PTPRG: variants seen among roughly 807,000 people sequenced by gnomAD.
The protein encoded by PTPRG is protein tyrosine phosphatase receptor type G.
PTPRG carries 102 observed loss-of-function variants against 165.3 expected under a neutral mutation model. The ratio of observed to expected loss-of-function variants is 0.62; its 90% CI spans 0.53 to 0.73. PTPRG has a LOEUF of 0.73. Ranked by LOEUF, PTPRG falls within the 30% of genes least tolerant of loss-of-function variation. The pLI, the probability that PTPRG is intolerant of heterozygous loss-of-function variation, is 0.00. For synonymous variants in PTPRG, 675 were observed against 669.5 expected (o/e 1.01, Z -0.13); for missense variants, 1,866 against 1,861.4 (o/e 1.00, Z -0.05).
At chr3:61,645,760 C>T (rs149303975) in intron 1 of PTPRG, among the ~76,000 whole-genome samples, 1 of 152,160 alleles carries the variant, frequency 6.6e-6, no homozygotes, top group Non-Finnish European at 1.5e-5. Flanking sequence ...AATATGTGAG[C>T]AAATGAGCAT....
chr3:61,809,928 C>T (rs962365281), intron 2 of PTPRG, among the ~76,000 whole-genome samples: 1 of 152,174 alleles, frequency 6.6e-6, no homozygotes, highest in Non-Finnish European at 1.5e-5. Flanking sequence ...GGAGGCAGAG[C>T]TTTCCCAGAA....
rs369242622 is a variant in PTPRG at position 61,995,741 on chromosome 3, T to C, written c.370+5937T>C. Among the ~76,000 whole-genome samples, 658 of 108,644 alleles carry C rather than the reference T, an allele frequency of 6.1e-3. 6 individuals are homozygous for C. Among genetic ancestry groups the C allele is most frequent in the African/African-American group, 9.2e-3 (258 of 27,996 alleles). The allele number at this position is 108,644 out of a possible 152,430, so 71.3% of individuals were successfully genotyped here. A position where few individuals can be genotyped will look rare whatever the true frequency, so the allele number is the denominator to read the frequency against. On this transcript the variant is annotated intron_variant, in intron 3 of 29. Transcript: ENST00000474889. ...CTTCCTTCCTTCCTTCCTTCCTTCC[T>C]TCCTTCCCTCCCTCTCTCCCTCCCT... is the stretch of plus-strand genomic sequence containing the variant.
At chr3:62,101,585 A>T (rs1279895152) in intron 5 of PTPRG, among the ~76,000 whole-genome samples, 1 of 152,248 alleles carries the variant, frequency 6.6e-6, no homozygotes, top group Non-Finnish European at 1.5e-5. Flanking sequence ...GCAGACTCTC[A>T]GCCTTCCAGG....
intron 1 of PTPRG, among the ~76,000 whole-genome samples, chr3:61,726,066 G>A (rs2032244232): frequency 6.6e-6 from 1 of 152,178 alleles, no homozygotes; most frequent in East Asian, 1.9e-4. Flanking sequence ...GGGATGAGTG[G>A]TAGAGAACAG....
In PTPRG at chr3:62,297,229, T is replaced by C. The variant is rs1402719741; in HGVS notation, c.*3922T>C. ...TAGTTTCAACTCCGTCATAGTTTTT[T>C]TTCCTTTTTGTGGTGGATATGTGAA... On this transcript the variant is annotated 3_prime_UTR_variant, in exon 30 of 30. Coordinates refer to ENST00000474889, the MANE Select transcript of PTPRG (RefSeq NM_002841.4). The C allele has an allele frequency of 6.6e-6, 1 of 152,112 alleles. No homozygotes were observed. Among genetic ancestry groups the C allele is most frequent in the African/African-American group, 2.4e-5 (1 of 41,446 alleles). The allele number at this position is 152,112 out of a possible 1,614,324, so 9.4% of individuals were successfully genotyped here.
chr3:61,756,477 G>A (rs2033638282), intron 2 of PTPRG, among the ~76,000 whole-genome samples: 1 of 152,190 alleles, frequency 6.6e-6, no homozygotes, highest in East Asian at 1.9e-4. Flanking sequence ...AAGGTACCTG[G>A]AGAATTTTTC....
At chr3:61,580,914 G>A (rs1237152819) in intron 1 of PTPRG, among the ~76,000 whole-genome samples, 1 of 152,192 alleles carries the variant, frequency 6.6e-6, no homozygotes, top group Non-Finnish European at 1.5e-5. Flanking sequence ...GGTTTCTGGA[G>A]GTTTTGGAGT....
rs1208721434 is a variant in PTPRG, at chr3:61,995,706, T to G, written c.370+5902T>G. Among the ~76,000 whole-genome samples, 161 of 134,050 alleles carry G rather than the reference T, an allele frequency of 1.2e-3. 4 individuals carry two copies. Among genetic ancestry groups the G allele is most frequent in the Middle Eastern group, 3.6e-3 (1 of 278 alleles). 87.9% of individuals were successfully genotyped at this position (134,050 alleles called of 152,430 possible). A position where few individuals can be genotyped will look rare whatever the true frequency, so the allele number is the denominator to read the frequency against. ...CGCCTTCCTTCCTTCCTTCCTTCCT[T>G]CCTTCCTTCCTTCCTTCCTTCCTTC... is the stretch of plus-strand genomic sequence containing the variant. On this transcript the variant is annotated intron_variant, in intron 3 of 29. Transcript: ENST00000474889.
intron 28 of PTPRG, among the ~76,000 whole-genome samples, chr3:62,284,142 A>G (rs1055697754): frequency 6.6e-6 from 1 of 152,040 alleles, no homozygotes; most frequent in Non-Finnish European, 1.5e-5. Context: ...CAGTTATATG[A>G]CTGATTTTGC....
intron 1 of PTPRG, among the ~76,000 whole-genome samples, chr3:61,667,644 G>T (rs1048214726): frequency 6.6e-6 from 1 of 152,022 alleles, no homozygotes; most frequent in Non-Finnish European, 1.5e-5. Flanking sequence ...CAGAATTACC[G>T]GCTAATAAAT....
intron 1 of PTPRG, among the ~76,000 whole-genome samples, chr3:61,728,836 A>C (rs2032367914): frequency 6.7e-6 from 1 of 149,578 alleles, no homozygotes; most frequent in Non-Finnish European, 1.5e-5. Context: ...CACGAGTTCG[A>C]GCCCAGTCTG....
Position 62,190,140 on chromosome 3 carries a change from C to T in PTPRG, c.1034-1329C>T, listed in dbSNP as rs890271492. On this transcript the variant is annotated intron_variant, in intron 8 of 29. Coordinates refer to ENST00000474889, the MANE Select transcript of PTPRG (RefSeq NM_002841.4). This position sits in a 1 kb window ranked among gnomAD's most constrained non-coding sequence, Gnocchi z 5.2. ...GCCTCCATCTCTTAGAGTGGAGGTT[C>T]TCAGCCGAAGGTGATTGGCCCCTGC... is the stretch of plus-strand genomic sequence containing the variant. Among the ~76,000 whole-genome samples, 16 of 152,146 alleles carry T rather than the reference C, an allele frequency of 1.1e-4. No individual in the cohort carries two copies. The highest frequency in any genetic ancestry group is 3.9e-4 in the African/African-American group (16 of 41,430).
chr3:61,897,312 A>C lies in PTPRG; in HGVS notation c.191-92313A>C, dbSNP rs144716809. On this transcript the variant is annotated intron_variant, in intron 2 of 29. Transcript: ENST00000474889. ...GCTGATCTTCTCTTTTTTTTTGCCT[A>C]AGGTTTTCCAGTTACTTTGGCACCA... Among the ~76,000 whole-genome samples, 1,151 of 145,908 alleles carry C rather than the reference A, an allele frequency of 7.9e-3. 11 individuals are homozygous for C. The highest frequency in any genetic ancestry group is 0.029 in the African/African-American group (1,056 of 36,180).
intron 14 of PTPRG, among the ~76,000 whole-genome samples, chr3:62,241,942 A>G (rs974303844): frequency 1.3e-5 from 2 of 152,214 alleles, no homozygotes; most frequent in Non-Finnish European, 2.9e-5. Flanking sequence ...ATGATACTGG[A>G]TGGTTAAGGC....
intron 5 of PTPRG, among the ~76,000 whole-genome samples, chr3:62,131,486 G>A (rs1463930588): frequency 6.6e-6 from 1 of 152,132 alleles, no homozygotes; most frequent in Non-Finnish European, 1.5e-5. Context: ...ATTAATTCTA[G>A]GGGTGGCTCT....
In PTPRG at chr3:62,240,415, C is replaced by G. The variant is rs975691565; in HGVS notation, c.2376-3392C>G. On this transcript the variant is annotated intron_variant, in intron 14 of 29. Coordinates refer to ENST00000474889, the MANE Select transcript of PTPRG (RefSeq NM_002841.4). This position sits in a 1 kb window ranked among gnomAD's most constrained non-coding sequence, Gnocchi z 5.1. ...CCCATCTGTCTATATTTGGGTGAGA[C>G]TATAATAATAGCCCACAGATTGATC... is the stretch of plus-strand genomic sequence containing the variant. 1.3e-5 allele frequency among the ~76,000 whole-genome samples: 2 copies of G among 152,160 alleles called. No individual in the cohort carries two copies. Among genetic ancestry groups the G allele is most frequent in the East Asian group, 3.9e-4 (2 of 5,194 alleles).
At chr3:62,109,123 C>T (rs1702578082) in intron 5 of PTPRG, among the ~76,000 whole-genome samples, 1 of 152,152 alleles carries the variant, frequency 6.6e-6, no homozygotes, top group Non-Finnish European at 1.5e-5. Flanking sequence ...TTTGCCAATG[C>T]CTATGTCCTG....
intron 4 of PTPRG, among the ~76,000 whole-genome samples, chr3:62,005,861 C>T (rs1254326285): frequency 6.6e-6 from 1 of 151,872 alleles, no homozygotes; most frequent in Admixed American, 6.6e-5. Context: ...TGCCACCATG[C>T]CTGGCTAATT....
At chr3:62,096,266 A>G (rs1397585050) in intron 5 of PTPRG, among the ~76,000 whole-genome samples, 1 of 152,156 alleles carries the variant, frequency 6.6e-6, no homozygotes, top group Non-Finnish European at 1.5e-5. Context: ...CAACTTGGTG[A>G]CTCATGAAAA....
Sources: gnomAD v4.1 joint callset for allele counts (sites outside exome capture counted in the v4.1 genomes callset) on GRCh38, gnomAD v4.1.1 for gene constraint, Gnocchi (gnomAD v3.1) non-coding constraint, MANE v1.5 for transcripts, NCBI Gene and HGNC (gene_info 2026-07-23, HGNC 2026-07-21) for gene names.